The following RTN3 variants were observed in gnomAD, a reference collection of about 807,000 sequenced individuals.
The protein encoded by RTN3 is reticulon-3.
In RTN3, 49 loss-of-function variants were observed where a neutral mutation model predicts 77.8. The observed-to-expected ratio is 0.63, with a 90% CI of 0.50 to 0.80. The LOEUF is 0.80. Ranked by LOEUF, RTN3 falls within the 30% of genes least tolerant of loss-of-function variation. The probability of loss-of-function intolerance (pLI) is 0.00; values close to 1 mark genes in which losing one functional copy is unlikely to be tolerated. For missense variants in RTN3, 1,236 were observed against 1,211.9 expected (o/e 1.02, Z -0.29); for synonymous variants, 464 against 446.9 (o/e 1.04, Z -0.48).
intron 1 of RTN3, among the ~76,000 whole-genome samples, chr11:63,702,419 A>G (rs1408812669): frequency 6.6e-6 from 1 of 150,488 alleles, no homozygotes; most frequent in Non-Finnish European, 1.5e-5. Context: ...GGTTCAAGTG[A>G]TTCTCCTGCC....
intron 2 of RTN3, among the ~76,000 whole-genome samples, chr11:63,717,999 GAA>G (rs1409194048): frequency 1.5e-5 from 2 of 129,866 alleles, no homozygotes; most frequent in African/African-American, 5.8e-5. Context: ...TGGGCAACAA[GAA>G]AAAGACTCCG....
At chr11:63,704,724 G>C in intron 1 of RTN3, 127 bp from the exon 2 acceptor site, 3 of 599,802 alleles carry the variant, frequency 5.0e-6, no homozygotes, top group East Asian at 2.7e-5. Flanking sequence ...ATAAAGATTT[G>C]AGTTTTCCTC....
chr11:63,738,208 T>C (rs928590091), intron 3 of RTN3, among the ~76,000 whole-genome samples: 3 of 152,232 alleles, frequency 2.0e-5, no homozygotes, highest in African/African-American at 7.2e-5. Context: ...AGTTTCCTTT[T>C]TGAGGTTATA....
chr11:63,741,147 G>A (rs1240889048), intron 3 of RTN3, among the ~76,000 whole-genome samples: 1 of 152,026 alleles, frequency 6.6e-6, no homozygotes, highest in Non-Finnish European at 1.5e-5. Flanking sequence ...GTGGAAGCCA[G>A]GAAGCATTAA....
At chr11:63,717,296 G>T (rs2011471419) in intron 2 of RTN3, among the ~76,000 whole-genome samples, 1 of 150,946 alleles carries the variant, frequency 6.6e-6, no homozygotes, top group South Asian at 2.1e-4. Flanking sequence ...GGCTACTATG[G>T]TATTAACTGA....
At chr11:63,682,433 A>G (rs1941109332) in intron 1 of RTN3, among the ~76,000 whole-genome samples, 2 of 151,844 alleles carry the variant, frequency 1.3e-5, no homozygotes, top group African/African-American at 4.8e-5. Flanking sequence ...AGCTCAGGGA[A>G]GATTTGGGAG....
chr11:63,743,760 C>CA (rs770825232), intron 3 of RTN3, among the ~76,000 whole-genome samples: 59 of 151,550 alleles, frequency 3.9e-4, no homozygotes, highest in Admixed American at 2.6e-3. Flanking sequence ...ACTAAAGATA[C>CA]AAAAAATCAG....
rs757188259 is a variant in RTN3, at chr11:63,752,491, TTTC to T, written c.2739-8_2739-6del. Reference sequence around the variant, plus strand: ...TTCCATGTCAAATGTATGACTGTTATTTCTTCTTCTGGAAGAGCCTACCTGGAC... The same window carrying T: ...TTCCATGTCAAATGTATGACTGTTATTTCTTCTGGAAGAGCCTACCTGGAC... On this transcript the variant is annotated splice_polypyrimidine_tract_variant and intron_variant, in intron 4 of 8. Transcript: ENST00000377819. The T allele has an allele frequency of 4.3e-6, 7 of 1,610,084 alleles. No homozygotes were observed. In the South Asian group the frequency reaches 7.7e-5, roughly 18 times the overall value.
At chr11:63,724,455 T>C in intron 3 of RTN3, among the ~76,000 whole-genome samples, 1 of 149,846 alleles carries the variant, frequency 6.7e-6, no homozygotes, top group Non-Finnish European at 1.5e-5. Flanking sequence ...AGTGCTGGGA[T>C]TACAGGCGTG....
chr11:63,748,789 T>A (rs1452597936), intron 3 of RTN3, among the ~76,000 whole-genome samples: 1 of 150,018 alleles, frequency 6.7e-6, no homozygotes, highest in East Asian at 2.0e-4. Flanking sequence ...TACCTCAGCC[T>A]CCTGAGTAGC....
At chr11:63,740,245 A>T (rs1175674096) in intron 3 of RTN3, among the ~76,000 whole-genome samples, 3 of 151,692 alleles carry the variant, frequency 2.0e-5, no homozygotes, top group Non-Finnish European at 4.4e-5. Flanking sequence ...CATAAAATAG[A>T]TTTGGTTAAT....
At chr11:63,752,199 A>G (rs1431443233) in intron 4 of RTN3, among the ~76,000 whole-genome samples, 1 of 149,760 alleles carries the variant, frequency 6.7e-6, no homozygotes, top group Non-Finnish European at 1.5e-5. Flanking sequence ...CCTTGTTTTT[A>G]TGTGTTCTGG....
intron 3 of RTN3, among the ~76,000 whole-genome samples, chr11:63,749,088 C>T (rs189328219): frequency 1.3e-5 from 2 of 152,172 alleles, no homozygotes; most frequent in African/African-American, 4.8e-5. Context: ...TCGAGACTAG[C>T]CTGGCAGCAT....
At chr11:63,689,987 A>G (rs1941570270) in intron 1 of RTN3, among the ~76,000 whole-genome samples, 1 of 151,752 alleles carries the variant, frequency 6.6e-6, no homozygotes, top group South Asian at 2.1e-4. Context: ...CGAACTCCTG[A>G]CCTCAAGTGA....
rs2014032860 is a variant in RTN3 at position 63,750,299 on chromosome 11, G to A, written c.2738+101G>A. The stretch of plus-strand genomic sequence containing the variant: ...GACCTGACTAAAAATCAAGAATTAT[G>A]GGGCCTAATGCAGCTGATTGGTGGC... On this transcript the variant is annotated intron_variant, in intron 4 of 8. Coordinates refer to ENST00000377819, the MANE Select transcript of RTN3 (RefSeq NM_001265589.2). 4.2e-6 allele frequency: 4 copies of A among 957,520 alleles called. No individual in the cohort carries two copies. The South Asian group carries it at 4.7e-5, about 11-fold the overall frequency. 59.3% of individuals were successfully genotyped at this position (957,520 alleles called of 1,614,324 possible).
At chr11:63,699,228 G>A (rs1565306284) in intron 1 of RTN3, among the ~76,000 whole-genome samples, 1 of 152,000 alleles carries the variant, frequency 6.6e-6, no homozygotes, top group Admixed American at 6.6e-5. Flanking sequence ...TTGAACCTGG[G>A]AGGCGGAGGT....
chr11:63,741,792 C>T (rs2013497087), intron 3 of RTN3, among the ~76,000 whole-genome samples: 1 of 152,032 alleles, frequency 6.6e-6, no homozygotes, highest in Admixed American at 6.6e-5. Flanking sequence ...TGAGCCACTG[C>T]GCCTGGCCTG....
intron 2 of RTN3, 66 bp from the exon 3 acceptor site, chr11:63,718,636 G>A: frequency 1.7e-6 from 2 of 1,187,972 alleles, no homozygotes; most frequent in Non-Finnish European, 2.3e-6. Context: ...CATGCTGCTT[G>A]GCTTGGCTAG....
At chr11:63,746,510 T>C (rs1408335123) in intron 3 of RTN3, among the ~76,000 whole-genome samples, 1 of 152,040 alleles carries the variant, frequency 6.6e-6, no homozygotes, top group Non-Finnish European at 1.5e-5. Context: ...AATTTTGCTT[T>C]TTGTTTTTTG....
Sources: gnomAD v4.1 joint callset for allele counts (sites outside exome capture counted in the v4.1 genomes callset) on GRCh38, gnomAD v4.1.1 for gene constraint, MANE v1.5 for transcripts, NCBI Gene and HGNC (gene_info 2026-07-23, HGNC 2026-07-21) for gene names.